The following DNAJC21 variants were observed in gnomAD, a reference collection of about 807,000 sequenced individuals.
The protein encoded by DNAJC21 is DnaJ heat shock protein family (Hsp40) member C21.
In DNAJC21, 63 loss-of-function variants were observed where a neutral mutation model predicts 72.4. The ratio of observed to expected loss-of-function variants is 0.87; its 90% CI spans 0.71 to 1.07. The LOEUF is 1.07. Ranked by LOEUF, DNAJC21 falls within the 50% of genes least tolerant of loss-of-function variation. DNAJC21 has a pLI of 0.00. For synonymous variants in DNAJC21, 203 were observed against 216.7 expected, an observed-to-expected ratio of 0.94 and a Z score of 0.56; for missense variants, 634 against 644.8, an observed-to-expected ratio of 0.98 and a Z score of 0.18.
At chr5:34,944,588 A>G (rs962796315) in intron 7 of DNAJC21, among the ~76,000 whole-genome samples, 2 of 152,180 alleles carry the variant, frequency 1.3e-5, no homozygotes, top group Non-Finnish European at 1.5e-5. Flanking sequence ...AAATGTATGT[A>G]GATAAAAGGA....
chr5:34,932,366 A>T (rs2112018276), intron 1 of DNAJC21, among the ~76,000 whole-genome samples: 1 of 150,888 alleles, frequency 6.6e-6, no homozygotes, highest in Non-Finnish European at 1.5e-5. Context: ...GGTTGCAGTG[A>T]GCCAAGATCG....
chr5:34,956,176 A>C lies in DNAJC21; in HGVS notation c.*1462A>C, dbSNP rs1765533801. On this transcript the variant is annotated 3_prime_UTR_variant, in exon 12 of 12. Transcript: ENST00000648817. ...GAATCTTCAGATTAACGAAATGAACAAATTTTCGGTTACAGATCAGCTCTC... is the reference window on the plus strand; with the variant it reads ...GAATCTTCAGATTAACGAAATGAACCAATTTTCGGTTACAGATCAGCTCTC... The C allele has an allele frequency of 6.5e-6, 1 of 152,672 alleles. No individual in the cohort carries two copies. The highest frequency in any genetic ancestry group is 1.5e-5 in the Non-Finnish European group (1 of 68,050). 9.5% of individuals were successfully genotyped at this position (152,672 alleles called of 1,614,324 possible).
chr5:34,953,734 C>A, intron 10 of DNAJC21, 192 bp from the exon 11 acceptor site: 1 of 436,224 alleles, frequency 2.3e-6, no homozygotes, highest in Non-Finnish European at 4.0e-6. Flanking sequence ...ATTTGATATT[C>A]AATTTGATTT....
At chr5:34,936,000 T>C (rs1764758904) in intron 3 of DNAJC21, 144 bp from the exon 4 acceptor site, 3 of 1,405,982 alleles carry the variant, frequency 2.1e-6, no homozygotes, top group South Asian at 2.9e-5. Context: ...TAAAAACCTC[T>C]AGTTGAAATC....
chr5:34,944,706 A>T (rs1765114930), intron 7 of DNAJC21, among the ~76,000 whole-genome samples, 161 bp from the exon 8 acceptor site: 1 of 152,132 alleles, frequency 6.6e-6, no homozygotes, highest in Non-Finnish European at 1.5e-5. Context: ...TCTGTATAAA[A>T]TCATGAACAA....
intron 10 of DNAJC21, 114 bp from the exon 11 acceptor site, chr5:34,953,808 TAATG>T (rs1765454083): frequency 1.9e-6 from 1 of 527,816 alleles, no homozygotes; most frequent in Non-Finnish European, 3.1e-6. Context: ...CCTTTAAAAT[TAATG>T]AATTAACTTT....
In DNAJC21 at chr5:34,935,151, T is replaced by G. The variant is rs182035588; in HGVS notation, c.192-559T>G. Among the ~76,000 whole-genome samples the G allele has an allele frequency of 6.4e-4, 98 of 152,336 alleles. No individual in the cohort carries two copies. The Middle Eastern group carries it at 0.01, about 16-fold the overall frequency. ...AGGAGACCTGCTTCTGAATTCAGAC[T>G]TTGCTGGTTACTGGTTTTATTATTA... On this transcript the variant is annotated intron_variant, in intron 2 of 11. Transcript: ENST00000648817.
In DNAJC21 at chr5:34,955,540, TG is replaced by T. The variant is rs1296156387; in HGVS notation, c.*827del. Reference sequence around the variant, plus strand: ...TTTCTTCACTATTTTCAGAAGTTTTTGTTCTTTTTTTTTTTTCCATCACTCA... The same window carrying T: ...TTTCTTCACTATTTTCAGAAGTTTTTTTCTTTTTTTTTTTTCCATCACTCA... On this transcript the variant is annotated 3_prime_UTR_variant, in exon 12 of 12. Coordinates refer to ENST00000648817, the MANE Select transcript of DNAJC21 (RefSeq NM_001012339.3). The T allele has an allele frequency of 1.1e-5, 1 of 87,694 alleles. No individual in the cohort carries two copies. Among genetic ancestry groups the T allele is most frequent in the East Asian group, 2.6e-4 (1 of 3,868 alleles). The allele number at this position is 87,694 out of a possible 1,614,324, so 5.4% of individuals were successfully genotyped here.
At chr5:34,946,513 G>A (rs539328657) in intron 9 of DNAJC21, among the ~76,000 whole-genome samples, 2 of 151,854 alleles carry the variant, frequency 1.3e-5, no homozygotes, top group Admixed American at 6.6e-5. Context: ...TTCAGATTTG[G>A]TTTATTTATC....
chr5:34,953,887 A>G (rs888007252), intron 10 of DNAJC21, 39 bp from the exon 11 acceptor site: 8 of 1,520,414 alleles, frequency 5.3e-6, no homozygotes, highest in Middle Eastern at 1.7e-4. Flanking sequence ...TAAAAGGAGT[A>G]TGTTATTTTT....
Position 34,950,659 on chromosome 5 carries a change from C to G in DNAJC21, c.1358+317C>G, listed in dbSNP as rs995762384. On this transcript the variant is annotated intron_variant, in intron 10 of 11. Transcript: ENST00000648817. ...GTGGATCATTAACACTTGACACTCA[C>G]ATGAGAACAAGACTCCTGCTGCGTC... 1.5e-5 allele frequency: 15 copies of G among 1,017,250 alleles called. No individual in the cohort carries two copies. The East Asian group carries it at 1.2e-3, about 82-fold the overall frequency. 63.0% of individuals were successfully genotyped at this position (1,017,250 alleles called of 1,614,324 possible). A position where few individuals can be genotyped will look rare whatever the true frequency, so the allele number is the denominator to read the frequency against.
At position 34,941,847 on chromosome 5, in the gene DNAJC21, G is replaced by A. The variant is rs1171507741; in HGVS notation, c.983+664G>A. Among the ~76,000 whole-genome samples, 36 of 151,834 alleles carry A rather than the reference G, an allele frequency of 2.4e-4. 1 individual carries two copies. The highest frequency in any genetic ancestry group is 6.8e-3 in the Middle Eastern group (2 of 292). On this transcript the variant is annotated intron_variant, in intron 7 of 11. Coordinates refer to ENST00000648817, the MANE Select transcript of DNAJC21 (RefSeq NM_001012339.3). Reference sequence around the variant, plus strand: ...CTCCCAAAGTGTTGGGATTACAGGCGTGAGCCACAGCGCCTGGCCCTTGTG... The same window carrying A: ...CTCCCAAAGTGTTGGGATTACAGGCATGAGCCACAGCGCCTGGCCCTTGTG...
At chr5:34,942,802 C>T (rs1375117855) in intron 7 of DNAJC21, among the ~76,000 whole-genome samples, 1 of 152,188 alleles carries the variant, frequency 6.6e-6, no homozygotes, top group Admixed American at 6.5e-5. Context: ...GGCGCAGTGG[C>T]TCACGCCTGT....
chr5:34,945,088 T>A (rs940588203), intron 8 of DNAJC21, 63 bp downstream of exon 8: 1 of 1,548,686 alleles, frequency 6.5e-7, no homozygotes, highest in East Asian at 2.3e-5. Context: ...CATTAAAAGG[T>A]TTTTTTTGAG....
In DNAJC21 at chr5:34,937,313, T is replaced by C. The variant is rs1401261082; in HGVS notation, c.439-13T>C. 8.2e-6 allele frequency: 13 copies of C among 1,577,642 alleles called. No homozygotes were observed. Among genetic ancestry groups the C allele is most frequent in the Non-Finnish European group, 1.1e-5 (13 of 1,166,038 alleles). On this transcript the variant is annotated splice_polypyrimidine_tract_variant and intron_variant, in intron 4 of 11. Transcript: ENST00000648817. ...TTAAAGCGCAGAAGTTAATCTGTTT[T>C]CTTTGTCACTAGGTAGTCCATCCTT...
chr5:34,946,810 A>C (rs1765186851), intron 9 of DNAJC21, among the ~76,000 whole-genome samples: 1 of 152,146 alleles, frequency 6.6e-6, no homozygotes. Flanking sequence ...GTTTAACCTG[A>C]GCCTGTATTA....
chr5:34,945,839 A>T (rs37442), intron 9 of DNAJC21, 36 bp downstream of exon 9: 377,902 of 1,451,088 alleles, frequency 0.26, 51,814 homozygotes, highest in East Asian at 0.35. Flanking sequence ...TTAAATGCCA[A>T]CGATAAAGTT....
intron 10 of DNAJC21, 44 bp downstream of exon 10, chr5:34,950,386 T>A: frequency 6.3e-7 from 1 of 1,583,520 alleles, no homozygotes; most frequent in Non-Finnish European, 8.6e-7. Context: ...TGAATATTGA[T>A]AGTAAGGATG....
intron 10 of DNAJC21, chr5:34,952,203 G>A: frequency 4.1e-6 from 4 of 985,178 alleles, no homozygotes; most frequent in Non-Finnish European, 4.8e-6. Flanking sequence ...AGATGTAACT[G>A]TCTTTCATAA....
Sources: allele counts gnomAD v4.1 joint callset (sites outside exome capture counted in the v4.1 genomes callset), GRCh38; gene constraint gnomAD v4.1.1; transcripts MANE v1.5; gene names NCBI Gene and HGNC (gene_info 2026-07-23, HGNC 2026-07-21).